Variants in TBC1D9B observed in about 807,000 individuals in gnomAD.
The protein encoded by TBC1D9B is TBC1 domain family member 9B.
TBC1D9B carries 87 observed loss-of-function variants against 121.1 expected under a neutral mutation model. The ratio of observed to expected loss-of-function variants is 0.72; its 90% CI spans 0.60 to 0.86. The LOEUF is 0.86. Among genes scored for constraint, TBC1D9B ranks in the 40% least tolerant of loss-of-function variants. The pLI, the probability that TBC1D9B is intolerant of heterozygous loss-of-function variation, is 0.00. For synonymous variants in TBC1D9B, 668 were observed against 670.1 expected, an observed-to-expected ratio of 1.00 and a Z score of 0.05; for missense variants, 1,540 against 1,628.6, an observed-to-expected ratio of 0.95 and a Z score of 0.94.
rs1761256138 is a variant in TBC1D9B, at chr5:179,904,510, C to T, written c.229+192G>A. On this transcript the variant is annotated intron_variant, in intron 2 of 20. Coordinates refer to ENST00000355235, the MANE Select transcript of TBC1D9B (RefSeq NM_015043.4). The surrounding 1 kb of genome is among the most constrained non-coding windows in gnomAD (Gnocchi z 4.2). ...AAAGTGCTGGGATTACAGACGTGAG[C>T]CACCGCACCGGGCCACGGAGCTGCC... Among the ~76,000 whole-genome samples the T allele has an allele frequency of 1.3e-5, 2 of 152,208 alleles. No homozygotes were observed. The highest frequency in any genetic ancestry group is 4.8e-5 in the African/African-American group (2 of 41,454).
In TBC1D9B at chr5:179,891,472, C is replaced by A. The variant is rs1760860506; in HGVS notation, c.951G>T (p.Leu317=). The A allele has an allele frequency of 1.2e-6, 2 of 1,614,220 alleles. No individual in the cohort carries two copies. Among genetic ancestry groups the A allele is most frequent in the Non-Finnish European group, 1.7e-6 (2 of 1,180,036 alleles). The change falls in exon 6 of 21, where the codon CTG becomes CTT. Residue 317 remains leucine (L), a synonymous_variant. Transcript: ENST00000355235. The surrounding 1 kb of genome is among the most constrained non-coding windows in gnomAD (Gnocchi z 4.3). ...SCTLWTPFNK[L]HIPGQMFISN... ...AGATGAACATCTGGCCAGGGATGTG[C>A]AGCTTGTTGAACGGCGTCCACAGGG...
In TBC1D9B at chr5:179,862,913, G is replaced by GCAATAAACATGTTCTGCC. The variant is rs1379387283; in HGVS notation, c.*517_*534dup. On this transcript the variant is annotated 3_prime_UTR_variant, in exon 21 of 21. Transcript: ENST00000355235. Reference sequence around the variant, plus strand: ...CGCCTGTGCGCAGCGCCCACTCTGTGCAATAAACATGTTCTGCCCATGTTC... The same window carrying GCAATAAACATGTTCTGCC: ...CGCCTGTGCGCAGCGCCCACTCTGTGCAATAAACATGTTCTGCCCAATAAACATGTTCTGCCCATGTTC... The GCAATAAACATGTTCTGCC allele has an allele frequency of 1.4e-4, 38 of 280,128 alleles. No homozygotes were observed. The highest frequency in any genetic ancestry group is 7.6e-4 in the African/African-American group (35 of 46,004). 17.4% of individuals were successfully genotyped at this position (280,128 alleles called of 1,614,324 possible).
intron 7 of TBC1D9B, among the ~76,000 whole-genome samples, chr5:179,880,581 C>T (rs1428742833): frequency 6.6e-6 from 1 of 152,220 alleles, no homozygotes; most frequent in Non-Finnish European, 1.5e-5. Flanking sequence ...AAACACTTCA[C>T]ATTCTGTGTT....
At chr5:179,871,242 C>T (rs1446192956) in intron 15 of TBC1D9B, among the ~76,000 whole-genome samples, 1 of 152,204 alleles carries the variant, frequency 6.6e-6, no homozygotes, top group Non-Finnish European at 1.5e-5. Flanking sequence ...AATGGATTTG[C>T]TGCCATTTAA....
chr5:179,871,061 G>A (rs1005275170), intron 15 of TBC1D9B, among the ~76,000 whole-genome samples: 2 of 152,206 alleles, frequency 1.3e-5, no homozygotes, highest in South Asian at 2.1e-4. Flanking sequence ...GAGCTGTGAC[G>A]ACAGTCCTGG....
At chr5:179,866,208 C>T (rs1649303106) in intron 18 of TBC1D9B, 1 of 284,030 alleles carries the variant, frequency 3.5e-6, no homozygotes, top group Non-Finnish European at 6.7e-6. Context: ...ATAGACCAGT[C>T]TGAGGACTAA....
In TBC1D9B at chr5:179,904,285, C is replaced by G. The variant is rs367729; in HGVS notation, c.229+417G>C. ...TGTCGCCCAGGCTGGAGTGCAGTGGCGCGATCTCGGCTCACTGCAAGCTCC... is the reference window on the plus strand; with the variant it reads ...TGTCGCCCAGGCTGGAGTGCAGTGGGGCGATCTCGGCTCACTGCAAGCTCC... On this transcript the variant is annotated intron_variant, in intron 2 of 20. Transcript: ENST00000355235. This position sits in a 1 kb window ranked among gnomAD's most constrained non-coding sequence, Gnocchi z 4.2. 7.2e-6 allele frequency among the ~76,000 whole-genome samples: 1 copy of G among 139,768 alleles called. No homozygotes were observed. Among genetic ancestry groups the G allele is most frequent in the East Asian group, 2.1e-4 (1 of 4,654 alleles). The allele number at this position is 139,768 out of a possible 152,430, so 91.7% of individuals were successfully genotyped here.
chr5:179,899,457 G>T, intron 2 of TBC1D9B, 150 bp from the exon 3 acceptor site: 4 of 637,256 alleles, frequency 6.3e-6, no homozygotes, highest in Non-Finnish European at 5.5e-6. Context: ...TAAGCTGATG[G>T]ATATGTGCAT....
At position 179,886,887 on chromosome 5, in the gene TBC1D9B, C is replaced by A. The variant is rs146906640; in HGVS notation, c.1254+1216G>T. Among the ~76,000 whole-genome samples, 859 of 152,356 alleles carry A rather than the reference C, an allele frequency of 5.6e-3. 10 individuals are homozygous for A. The highest frequency in any genetic ancestry group is 0.02 in the African/African-American group (815 of 41,580). ...GAATCAAAGACGACCAGTGTCGTGCCCAGGGACTCTCAGGGCTAGACCAGA... is the reference window on the plus strand; with the variant it reads ...GAATCAAAGACGACCAGTGTCGTGCACAGGGACTCTCAGGGCTAGACCAGA... On this transcript the variant is annotated intron_variant, in intron 7 of 20. Transcript: ENST00000355235.
intron 15 of TBC1D9B, 39 bp from the exon 16 acceptor site, chr5:179,870,534 G>T (rs1242953745): frequency 6.4e-7 from 1 of 1,574,396 alleles, no homozygotes; most frequent in Admixed American, 1.7e-5. Context: ...CAGCCGCTAA[G>T]CCTGTGGGTC....
chr5:179,900,772 T>C lies in TBC1D9B; in HGVS notation c.230-1465A>G, dbSNP rs139322157. ...AAGAAGCTGCTCGCATGCACGGATC[T>C]CCTTCACAAGGCACAACTCAGCCTT... On this transcript the variant is annotated intron_variant, in intron 2 of 20. Coordinates refer to ENST00000355235, the MANE Select transcript of TBC1D9B (RefSeq NM_015043.4). 3.1e-3 allele frequency among the ~76,000 whole-genome samples: 474 copies of C among 152,312 alleles called. 1 individual carries two copies. Among genetic ancestry groups the C allele is most frequent in the Non-Finnish European group, 5.7e-3 (390 of 68,032 alleles).
Position 179,891,140 on chromosome 5 carries a change from C to T in TBC1D9B, c.1044+239G>A, listed in dbSNP as rs1760850030. Among the ~76,000 whole-genome samples the T allele has an allele frequency of 6.6e-6, 1 of 152,234 alleles. No homozygotes were observed. The stretch of plus-strand genomic sequence containing the variant: ...CCACTAGGCAAGTGACCTGAGAGGG[C>T]AAGCAGTGTGCCCCCACCATGTTAC... On this transcript the variant is annotated intron_variant, in intron 6 of 20. Transcript: ENST00000355235. This position sits in a 1 kb window ranked among gnomAD's most constrained non-coding sequence, Gnocchi z 4.3.
At position 179,895,701 on chromosome 5, in the gene TBC1D9B, T is replaced by TAA. The variant is rs146844898; in HGVS notation, c.349-1088_349-1087insTT. Among the ~76,000 whole-genome samples the TAA allele has an allele frequency of 6.1e-3, 926 of 152,266 alleles. 13 individuals are homozygous for TAA. The highest frequency in any genetic ancestry group is 0.021 in the African/African-American group (891 of 41,544). ...CTAGAAAGACAATTACAAGATAAAC[T>TAA]AGTCAGTCAAGGTCAGTGCTGGTGG... is the stretch of plus-strand genomic sequence containing the variant. On this transcript the variant is annotated intron_variant, in intron 3 of 20. Transcript: ENST00000355235.
chr5:179,875,331 C>A lies in TBC1D9B; in HGVS notation c.1901-144G>T. On this transcript the variant is annotated intron_variant, in intron 11 of 20. Coordinates refer to ENST00000355235, the MANE Select transcript of TBC1D9B (RefSeq NM_015043.4). The surrounding 1 kb of genome is among the most constrained non-coding windows in gnomAD (Gnocchi z 4.5). The stretch of plus-strand genomic sequence containing the variant: ...GGAGACTTGGAGTGCTGGGAGAAAA[C>A]AAGGACGAAAAAACCCTTCAAGTCT... The A allele has an allele frequency of 9.2e-7, 1 of 1,083,894 alleles. No homozygotes were observed. The highest frequency in any genetic ancestry group is 1.6e-5 in the African/African-American group (1 of 62,982). 67.1% of individuals were successfully genotyped at this position (1,083,894 alleles called of 1,614,324 possible).
chr5:179,870,562 G>A, intron 15 of TBC1D9B, 67 bp from the exon 16 acceptor site: 1 of 1,513,716 alleles, frequency 6.6e-7, no homozygotes, highest in Non-Finnish European at 8.8e-7. Context: ...CCCCTAGGCT[G>A]GTGGTGTGTC....
intron 14 of TBC1D9B, chr5:179,872,619 C>T (rs1046561893): frequency 1.1e-5 from 5 of 470,736 alleles, no homozygotes; most frequent in African/African-American, 3.9e-5. Context: ...TGGGCGGGCT[C>T]GGCCCAGAGG....
At chr5:179,880,961 G>A (rs1048686169) in intron 7 of TBC1D9B, among the ~76,000 whole-genome samples, 4 of 152,170 alleles carry the variant, frequency 2.6e-5, no homozygotes, top group Admixed American at 6.5e-5. Flanking sequence ...ACACGGGCTC[G>A]CAGGCTGTGA....
Position 179,870,326 on chromosome 5 carries a change from C to T in TBC1D9B, c.2654G>A (p.Gly885Glu). 6.2e-7 allele frequency: 1 copy of T among 1,613,908 alleles called. No individual in the cohort carries two copies. Residue 885 changes from glycine to glutamate, a missense_variant, in exon 16 of 21, where the codon GGG becomes GAG. Coordinates refer to ENST00000355235, the MANE Select transcript of TBC1D9B (RefSeq NM_015043.4). Reference sequence around the variant, plus strand: ...TTCGTCCAGGAGCCTGAACATGCGCCCTGCCAGCAGAGGTGTGTGGGAGCC... The same window carrying T: ...TTCGTCCAGGAGCCTGAACATGCGCTCTGCCAGCAGAGGTGTGTGGGAGCC... ...ACGSHTPLLA[G>E]RMFRLLDENK... is the part of the protein sequence containing the mutation.
rs976625296 is a variant in TBC1D9B at position 179,888,315 on chromosome 5, GAGA to G, written c.1045-6_1045-4del. 1.2e-6 allele frequency: 2 copies of G among 1,611,520 alleles called. No homozygotes were observed. The highest frequency in any genetic ancestry group is 2.7e-5 in the African/African-American group (2 of 74,724). On this transcript the variant is annotated splice_polypyrimidine_tract_variant and splice_region_variant and intron_variant, in intron 6 of 20. Transcript: ENST00000355235. ...TCAGCTTTTTCGACAATGGTCACCT[GAGA>G]AGGTGAAAGAACTCTTTTGGGTGTC... is the stretch of plus-strand genomic sequence containing the variant.
Sources: allele counts gnomAD v4.1 joint callset (sites outside exome capture counted in the v4.1 genomes callset), GRCh38; gene constraint gnomAD v4.1.1; non-coding constraint Gnocchi (gnomAD v3.1); transcripts MANE v1.5; gene names NCBI Gene and HGNC (gene_info 2026-07-23, HGNC 2026-07-21).